PRDM16: variants seen among roughly 807,000 people sequenced by gnomAD.
PRDM16 encodes the protein PR/SET domain 16.
In PRDM16, 23 loss-of-function variants were observed where a neutral mutation model predicts 110.6. The ratio of observed to expected loss-of-function variants is 0.21; its 90% CI spans 0.15 to 0.29. The LOEUF (loss-of-function observed/expected upper bound fraction) is 0.29. PRDM16 is among the 10% of genes least tolerant of loss of function. The probability of loss-of-function intolerance (pLI) is 1.00; values close to 1 mark genes in which losing one functional copy is unlikely to be tolerated. For missense variants in PRDM16, 1,615 were observed against 1,794.3 expected (o/e 0.90, Z 1.81); for synonymous variants, 799 against 781.8 (o/e 1.02, Z -0.37).
At chr1:3,301,781 G>A (rs572730623) in intron 3 of PRDM16, among the ~76,000 whole-genome samples, 57 of 152,338 alleles carry the variant, frequency 3.7e-4, no homozygotes, top group African/African-American at 1.3e-3. Flanking sequence ...GCACACAGGG[G>A]CACACACCAC....
chr1:3,301,104 G>A (rs1354152329), intron 3 of PRDM16, among the ~76,000 whole-genome samples: 1 of 152,170 alleles, frequency 6.6e-6, no homozygotes, highest in African/African-American at 2.4e-5. Context: ...GATAAAGAGG[G>A]CAGATTGCTT....
chr1:3,362,945 G>A (rs1008856217), intron 3 of PRDM16, among the ~76,000 whole-genome samples: 7 of 152,206 alleles, frequency 4.6e-5, no homozygotes, highest in African/African-American at 9.6e-5. Flanking sequence ...CCAGCTCAGC[G>A]TGGTCTCGGG....
chr1:3,339,549 C>G lies in PRDM16; in HGVS notation c.439-45603C>G, dbSNP rs1362728630. ...AAGCTTTGTTGCCCACCGAGCGATT[C>G]AGGCAGTGAGGTGGGAAGGAGCGTG... On this transcript the variant is annotated intron_variant, in intron 3 of 16. Coordinates refer to ENST00000270722, the MANE Select transcript of PRDM16 (RefSeq NM_022114.4). The surrounding 1 kb of genome is among the most constrained non-coding windows in gnomAD (Gnocchi z 5.0). Among the ~76,000 whole-genome samples the G allele has an allele frequency of 3.2e-4, 49 of 152,134 alleles. No individual in the cohort carries two copies. Among genetic ancestry groups the G allele is most frequent in the Non-Finnish European group, 4.4e-5 (3 of 68,030 alleles).
At chr1:3,254,704 T>C (rs1381628279) in intron 3 of PRDM16, among the ~76,000 whole-genome samples, 5 of 152,090 alleles carry the variant, frequency 3.3e-5, no homozygotes, top group African/African-American at 4.8e-5. Context: ...ATAGGAAGAA[T>C]CAATATCGTG....
At position 3,335,640 on chromosome 1, in the gene PRDM16, CA is replaced by C. The variant is rs1222151003; in HGVS notation, c.439-49511del. On this transcript the variant is annotated intron_variant, in intron 3 of 16. Transcript: ENST00000270722. The stretch of plus-strand genomic sequence containing the variant: ...ACACACACACACACACACACACACA[CA>C]CCCTTGGACATAAATCTGCAAATAA... Among the ~76,000 whole-genome samples the C allele has an allele frequency of 9.4e-5, 14 of 148,432 alleles. 1 individual carries two copies. In the South Asian group the frequency reaches 3.1e-3, roughly 33 times the overall value.
In PRDM16 at chr1:3,201,353, C is replaced by T. The variant is rs1638622861; in HGVS notation, c.387+14879C>T. The stretch of plus-strand genomic sequence containing the variant: ...TCGCACAGAGATGAACAAGATGCAG[C>T]CTCGGCGCTCAGAGGCGGGTGTCCA... On this transcript the variant is annotated intron_variant, in intron 2 of 16. Coordinates refer to ENST00000270722, the MANE Select transcript of PRDM16 (RefSeq NM_022114.4). The surrounding 1 kb of genome is among the most constrained non-coding windows in gnomAD (Gnocchi z 4.1). Among the ~76,000 whole-genome samples, 1 of 152,188 alleles carries T rather than the reference C, an allele frequency of 6.6e-6. No individual in the cohort carries two copies. Among genetic ancestry groups the T allele is most frequent in the Admixed American group, 6.5e-5 (1 of 15,282 alleles).
At chr1:3,180,627 G>C (rs1409725409) in intron 1 of PRDM16, among the ~76,000 whole-genome samples, 1 of 151,996 alleles carries the variant, frequency 6.6e-6, no homozygotes, top group Non-Finnish European at 1.5e-5. Context: ...AGGGCAGCCC[G>C]GGGCAGCCGA....
At chr1:3,166,349 G>A (rs1253474096) in intron 1 of PRDM16, among the ~76,000 whole-genome samples, 2 of 152,246 alleles carry the variant, frequency 1.3e-5, no homozygotes, top group Non-Finnish European at 2.9e-5. Flanking sequence ...CCACAGGCCA[G>A]GCGTCTGACC....
At position 3,434,477 on chromosome 1, in the gene PRDM16, C is replaced by T. The variant is rs1369060063; in HGVS notation, c.*666C>T. On this transcript the variant is annotated 3_prime_UTR_variant, in exon 17 of 17. Coordinates refer to ENST00000270722, the MANE Select transcript of PRDM16 (RefSeq NM_022114.4). ...ATGGAGAAATTTTCTATCTCTGTCCCTATTTGTATAAGCCAAGGTGATGCT... is the reference window on the plus strand; with the variant it reads ...ATGGAGAAATTTTCTATCTCTGTCCTTATTTGTATAAGCCAAGGTGATGCT... The T allele has an allele frequency of 4.3e-6, 1 of 231,538 alleles. No individual in the cohort carries two copies. Among genetic ancestry groups the T allele is most frequent in the Non-Finnish European group, 8.5e-6 (1 of 117,074 alleles). 14.3% of individuals were successfully genotyped at this position (231,538 alleles called of 1,614,324 possible).
At chr1:3,207,388 C>T (rs185618417) in intron 2 of PRDM16, 9 of 152,288 alleles carry the variant, frequency 5.9e-5, no homozygotes, top group Non-Finnish European at 1.0e-4. Context: ...GTTTTGCTTC[C>T]CCCAGAGGCC....
At chr1:3,371,173 C>G (rs1436120093) in intron 3 of PRDM16, among the ~76,000 whole-genome samples, 4 of 133,850 alleles carry the variant, frequency 3.0e-5, no homozygotes, top group African/African-American at 1.2e-4. Flanking sequence ...CACCGATCCA[C>G]CATCTATCCA....
intron 1 of PRDM16, among the ~76,000 whole-genome samples, chr1:3,109,092 T>TAATA (rs532007842): frequency 0.056 from 8,319 of 149,672 alleles, 321 homozygotes; most frequent in East Asian, 0.076. Context: ...AAAATAATAA[T>TAATA]AATAATAATA....
chr1:3,140,730 T>C (rs902973719), intron 1 of PRDM16, among the ~76,000 whole-genome samples: 1 of 152,102 alleles, frequency 6.6e-6, no homozygotes, highest in East Asian at 1.9e-4. Flanking sequence ...GGTGTGAGGG[T>C]GGGGCCACAG....
chr1:3,123,241 T>C (rs1287873644), intron 1 of PRDM16, among the ~76,000 whole-genome samples: 1 of 152,210 alleles, frequency 6.6e-6, no homozygotes, highest in Non-Finnish European at 1.5e-5. Flanking sequence ...GGTATCAGGT[T>C]CCCAGGAACG....
Position 3,091,893 on chromosome 1 carries a change from C to T in PRDM16, c.37+22597C>T, listed in dbSNP as rs140552691. On this transcript the variant is annotated intron_variant, in intron 1 of 16. Transcript: ENST00000270722. The stretch of plus-strand genomic sequence containing the variant: ...CCTCTAACGGGGGTGATGGACAGTT[C>T]GCAGGTGGTCAGATGCGAGAGAATT... 1.1e-3 allele frequency among the ~76,000 whole-genome samples: 172 copies of T among 152,282 alleles called. 2 individuals are homozygous for T. Among genetic ancestry groups the T allele is most frequent in the Admixed American group, 2.0e-3 (30 of 15,312 alleles).
At chr1:3,266,258 C>A (rs763602333) in intron 3 of PRDM16, among the ~76,000 whole-genome samples, 1 of 152,176 alleles carries the variant, frequency 6.6e-6, no homozygotes, top group Non-Finnish European at 1.5e-5. Flanking sequence ...ATTAAAGAGA[C>A]GTAAACTTCC....
In PRDM16 at chr1:3,433,928, C is replaced by T. The variant is rs1638842109; in HGVS notation, c.*117C>T. 1 of 1,021,118 alleles carries T rather than the reference C, an allele frequency of 9.8e-7. No homozygotes were observed. Among genetic ancestry groups the T allele is most frequent in the Non-Finnish European group, 1.4e-6 (1 of 708,030 alleles). The allele number at this position is 1,021,118 out of a possible 1,614,324, so 63.3% of individuals were successfully genotyped here. On this transcript the variant is annotated 3_prime_UTR_variant, in exon 17 of 17. Coordinates refer to ENST00000270722, the MANE Select transcript of PRDM16 (RefSeq NM_022114.4). ...GTGTGGCCACTCCTCAGCATCCTCC[C>T]CACCCACCATGGTTCATTCCGACTT...
rs1638940734 is a variant in PRDM16 at position 3,213,244 on chromosome 1, G to A, written c.387+26770G>A. ...ATTCCGTGGTGAGGGGGGAAATGGA[G>A]AAGAAACCACCTTCCCAAATCTTTA... On this transcript the variant is annotated intron_variant, in intron 2 of 16. Transcript: ENST00000270722. The surrounding 1 kb of genome is among the most constrained non-coding windows in gnomAD (Gnocchi z 5.3). 6.6e-6 allele frequency among the ~76,000 whole-genome samples: 1 copy of A among 152,126 alleles called. No individual in the cohort carries two copies.
At chr1:3,225,574 G>GTGTGTGTGCGCGCGCGCA (rs1491529163) in intron 2 of PRDM16, among the ~76,000 whole-genome samples, 1 of 135,116 alleles carries the variant, frequency 7.4e-6, no homozygotes, top group African/African-American at 3.4e-5. Context: ...GTGTGTGTGT[G>GTGTGTGTGCGCGCGCGCA]CGCGCGCGCA....
Sources: gnomAD v4.1 joint callset for allele counts (sites outside exome capture counted in the v4.1 genomes callset) on GRCh38, gnomAD v4.1.1 for gene constraint, Gnocchi (gnomAD v3.1) non-coding constraint, MANE v1.5 for transcripts, NCBI Gene and HGNC (gene_info 2026-07-23, HGNC 2026-07-21) for gene names.